Variants in SLC16A8 observed in about 807,000 individuals in gnomAD.
SLC16A8 encodes the protein solute carrier family 16 member 8.
A neutral mutation model predicts 22.4 loss-of-function variants in SLC16A8; 20 were observed. That is an observed-to-expected ratio of 0.89 (90% CI 0.63 to 1.30). SLC16A8 has a LOEUF of 1.30. SLC16A8 is among the 50% of genes most tolerant of loss of function. The pLI is 0.00. For missense variants in SLC16A8, 817 were observed against 740.3 expected (o/e 1.10, Z -1.20); for synonymous variants, 393 against 358.8 (o/e 1.10, Z -1.08).
Position 38,084,160 on chromosome 22 carries a change from C to T in SLC16A8, c.-501G>A, listed in dbSNP as rs1242226149. ...CCGACTCCCGCCTGACGCTCCCTGC[C>T]CCAGGCCTGGAGCTTAGAGTGTGTG... is the stretch of plus-strand genomic sequence containing the variant. On this transcript the variant is annotated 5_prime_UTR_variant, in exon 1 of 6. Transcript: ENST00000681075. The T allele has an allele frequency of 1.3e-5, 2 of 152,368 alleles. No homozygotes were observed. The highest frequency in any genetic ancestry group is 4.8e-5 in the African/African-American group (2 of 41,452). The allele number at this position is 152,368 out of a possible 1,614,324, so 9.4% of individuals were successfully genotyped here.
At position 38,082,805 on chromosome 22, in the gene SLC16A8, G is replaced by C. The variant is rs562785651; in HGVS notation, c.69C>G (p.Gly23=). 3 of 1,592,096 alleles carry C rather than the reference G, an allele frequency of 1.9e-6. No homozygotes were observed. In the African/African-American group the frequency reaches 4.0e-5, roughly 21 times the overall value. ...CGAAGCCGGTGACCACAAAGCAGGC[G>C]CCCAGCACCACCCAGCCCCAGCCGC... is the stretch of plus-strand genomic sequence containing the variant. ...PDGGWGWVVL[G]ACFVVTGFAY... The change falls in exon 3 of 6, where the codon GGC becomes GGG. Residue 23 remains glycine, a synonymous_variant. Transcript: ENST00000681075.
rs185628551 is a variant in SLC16A8 at position 38,080,751 on chromosome 22, C to T, written c.1198+89G>A. ...CACCCGACTGCCCCTTCCCCTCATC[C>T]CTGGAAGTTCCATCTGAGACAGGGG... On this transcript the variant is annotated intron_variant, in intron 5 of 5. Transcript: ENST00000681075. 614 of 1,422,886 alleles carry T rather than the reference C, an allele frequency of 4.3e-4. 1 individual carries two copies. The African/African-American group carries it at 7.9e-3, about 18-fold the overall frequency. The allele number at this position is 1,422,886 out of a possible 1,614,324, so 88.1% of individuals were successfully genotyped here.
In SLC16A8 at chr22:38,082,854, C is replaced by T. The variant is rs936491448; in HGVS notation, c.20G>A (p.Arg7Gln). Residue 7 changes from arginine to glutamine, a missense_variant, in exon 3 of 6, where the codon CGG (arginine) becomes CAG (glutamine). Arg to Gln is a conservative substitution (Grantham distance 43, BLOSUM62 1). Coordinates refer to ENST00000681075, the MANE Select transcript of SLC16A8 (RefSeq NM_013356.3). ...GCCGTCTGGGGGGCCCTCGCCCCGC[C>T]GGGGGCCGCCAGCGCCCATCGCTGC... MGAGGP[R>Q]RGEGPPDGGW... 2.6e-6 allele frequency: 4 copies of T among 1,551,404 alleles called. No individual in the cohort carries two copies. The highest frequency in any genetic ancestry group is 2.3e-5 in the East Asian group (1 of 42,892).
chr22:38,078,855 T>C (rs1167777507), intron 5 of SLC16A8, 151 bp from the exon 6 acceptor site: 1 of 654,138 alleles, frequency 1.5e-6, no homozygotes, highest in East Asian at 2.8e-5. Flanking sequence ...GTTTTACAGA[T>C]GTAAAACCTC....
rs1029513753 is a variant in SLC16A8 at position 38,078,426 on chromosome 22, T to C, written c.1477A>G (p.Ile493Val). 1.5e-5 allele frequency: 24 copies of C among 1,609,768 alleles called. No individual in the cohort carries two copies. The highest frequency in any genetic ancestry group is 2.0e-5 in the Non-Finnish European group (24 of 1,179,318). The change falls in exon 6 of 6, where the codon ATA becomes GTA. Residue 493 changes from isoleucine (I) to valine (V), a missense_variant. By Grantham distance (29) the Ile-to-Val change is conservative (BLOSUM62 3). Coordinates refer to ENST00000681075, the MANE Select transcript of SLC16A8 (RefSeq NM_013356.3). ...SARGEPTEPE[I>V]EARPRLAAES... ...GCAGCCAGCCTCGGCCTCGCCTCTA[T>C]TTCTGGTTCTGTGGGCTCGCCCCGG...
chr22:38,082,983 C>T (rs1353362026), intron 2 of SLC16A8, 59 bp downstream of exon 2: 1 of 751,738 alleles, frequency 1.3e-6, no homozygotes, highest in Non-Finnish European at 2.1e-6. Context: ...ACAGGGCTAC[C>T]CACGTGAGGG....
chr22:38,083,730 C>G (rs1233955931), intron 1 of SLC16A8, among the ~76,000 whole-genome samples: 1 of 124,000 alleles, frequency 8.1e-6, no homozygotes, highest in Non-Finnish European at 1.7e-5. Flanking sequence ...ACAAGCGCCC[C>G]CATAACAGAT....
In SLC16A8 at chr22:38,081,176, C is replaced by A; in HGVS notation, c.862G>T (p.Ala288Ser). The stretch of plus-strand genomic sequence containing the variant: ...CCCACGATGGACAGCAGGAAGGCGG[C>A]GTCGGTGTCGGGCACGCCCGCGTCC... Reference protein sequence around the residue: ...AKDAGVPDTDAAFLLSIVGFV... With the variant: ...AKDAGVPDTDSAFLLSIVGFV... Residue 288 changes from alanine (A) to serine (S), a missense_variant, in exon 5 of 6, where the codon GCC (alanine) becomes TCC (serine). Transcript: ENST00000681075. 8 of 1,553,450 alleles carry A rather than the reference C, an allele frequency of 5.1e-6. No individual in the cohort carries two copies. The highest frequency in any genetic ancestry group is 7.0e-6 in the Non-Finnish European group (8 of 1,148,506).
chr22:38,078,958 C>T (rs2076372), intron 5 of SLC16A8, among the ~76,000 whole-genome samples: 33,065 of 152,226 alleles, frequency 0.22, 4,131 homozygotes, highest in East Asian at 0.32. Flanking sequence ...GTGAGGCGTC[C>T]CCTCCACCCT....
chr22:38,081,226 G>A lies in SLC16A8; in HGVS notation c.812C>T (p.Ala271Val), dbSNP rs1393511666. Residue 271 changes from alanine (A) to valine (V), a missense_variant, in exon 5 of 6, where the codon GCC (alanine) becomes GTC (valine). By Grantham distance (64) the Ala-to-Val change is moderately conservative. Coordinates refer to ENST00000681075, the MANE Select transcript of SLC16A8 (RefSeq NM_013356.3). ...FLMALGLFVPAILLVNYAKDA... is the reference protein window; with the variant it reads ...FLMALGLFVPVILLVNYAKDA... ...CTTGGCGTAGTTCACCAGCAGGATGGCGGGGACGAAGAGCCCGAGCGCCAT... is the reference window on the plus strand; with the variant it reads ...CTTGGCGTAGTTCACCAGCAGGATGACGGGGACGAAGAGCCCGAGCGCCAT... 1 of 1,578,978 alleles carries A rather than the reference G, an allele frequency of 6.3e-7. No individual in the cohort carries two copies. The highest frequency in any genetic ancestry group is 2.3e-5 in the East Asian group (1 of 42,612).
At chr22:38,082,174 GACA>G in intron 3 of SLC16A8, 142 bp from the exon 4 acceptor site, 1 of 1,042,148 alleles carries the variant, frequency 9.6e-7, no homozygotes. Flanking sequence ...AGGCCAAAGA[GACA>G]GCATCCTGCG....
chr22:38,083,353 C>T lies in SLC16A8; in HGVS notation c.-320G>A, dbSNP rs1304878817. On this transcript the variant is annotated 5_prime_UTR_variant, in exon 2 of 6. Coordinates refer to ENST00000681075, the MANE Select transcript of SLC16A8 (RefSeq NM_013356.3). ...CATGTTCCTAATGTTTCTCAGTGAT[C>T]ACAAATGACTATTGTCATTAGAACA... The T allele has an allele frequency of 6.2e-6, 1 of 162,494 alleles. No individual in the cohort carries two copies. Among genetic ancestry groups the T allele is most frequent in the East Asian group, 1.8e-4 (1 of 5,584 alleles). The allele number at this position is 162,494 out of a possible 1,614,324, so 10.1% of individuals were successfully genotyped here.
At position 38,078,450 on chromosome 22, in the gene SLC16A8, G is replaced by A. The variant is rs200126325; in HGVS notation, c.1453C>T (p.Arg485Trp). 252 of 1,610,608 alleles carry A rather than the reference G, an allele frequency of 1.6e-4. No individual in the cohort carries two copies. The highest frequency in any genetic ancestry group is 9.8e-4 in the East Asian group (44 of 44,884). The change falls in exon 6 of 6, where the codon CGG becomes TGG. Residue 485 changes from arginine (R) to tryptophan (W), a missense_variant. Arg to Trp is a moderately radical substitution (Grantham distance 101). Coordinates refer to ENST00000681075, the MANE Select transcript of SLC16A8 (RefSeq NM_013356.3). ...NLEALEVLSA[R>W]GEPTEPEIEA... ...ATTTCTGGTTCTGTGGGCTCGCCCC[G>A]GGCGCTGAGCACCTCCAGGGCCTCC...
chr22:38,081,240 C>T lies in SLC16A8; in HGVS notation c.798G>A (p.Gly266=), dbSNP rs767096054. 3.8e-6 allele frequency: 6 copies of T among 1,583,388 alleles called. No homozygotes were observed. In the African/African-American group the frequency reaches 4.1e-5, roughly 11 times the overall value. Residue 266 remains glycine, a synonymous_variant, in exon 5 of 6, where the codon GGG becomes GGA. Coordinates refer to ENST00000681075, the MANE Select transcript of SLC16A8 (RefSeq NM_013356.3). ...CCAGCAGGATGGCGGGGACGAAGAG[C>T]CCGAGCGCCATCAGGAACTTGGTGA... ...YAVTKFLMAL[G]LFVPAILLVN...
chr22:38,080,670 A>G lies in SLC16A8; in HGVS notation c.1198+170T>C, dbSNP rs552352790. Among the ~76,000 whole-genome samples the G allele has an allele frequency of 1.2e-4, 19 of 152,356 alleles. No individual in the cohort carries two copies. In the East Asian group the frequency reaches 3.3e-3, roughly 26 times the overall value. ...TTCCTGGGCTTTTCTGTCCTCACCC[A>G]GAGCGGGCGGTCCGGCTTGGAGGAG... On this transcript the variant is annotated intron_variant, in intron 5 of 5. Coordinates refer to ENST00000681075, the MANE Select transcript of SLC16A8 (RefSeq NM_013356.3).
chr22:38,082,401 C>T (rs1000531063), intron 3 of SLC16A8, among the ~76,000 whole-genome samples: 2 of 152,242 alleles, frequency 1.3e-5, no homozygotes, highest in African/African-American at 2.4e-5. Flanking sequence ...TCTCAGCTTT[C>T]CTGCCTCTAC....
rs2085948419 is a variant in SLC16A8, at chr22:38,083,254, CAG to C, written c.-223_-222del. The C allele has an allele frequency of 4.1e-6, 1 of 245,972 alleles. No homozygotes were observed. The highest frequency in any genetic ancestry group is 7.9e-6 in the Non-Finnish European group (1 of 127,206). The allele number at this position is 245,972 out of a possible 1,614,324, so 15.2% of individuals were successfully genotyped here. A position where few individuals can be genotyped will look rare whatever the true frequency, so the allele number is the denominator to read the frequency against. The stretch of plus-strand genomic sequence containing the variant: ...CGTACGCGTGAGGGTCTCGGGACAA[CAG>C]AACAAACAGCAGAGGGGCAGATGCC... On this transcript the variant is annotated 5_prime_UTR_variant, in exon 2 of 6. Coordinates refer to ENST00000681075, the MANE Select transcript of SLC16A8 (RefSeq NM_013356.3).
In SLC16A8 at chr22:38,080,836, G is replaced by A. The variant is rs767342379; in HGVS notation, c.1198+4C>T. 12 of 1,486,812 alleles carry A rather than the reference G, an allele frequency of 8.1e-6. No homozygotes were observed. The South Asian group carries it at 1.4e-4, about 18-fold the overall frequency. 92.1% of individuals were successfully genotyped at this position (1,486,812 alleles called of 1,614,324 possible). A position where few individuals can be genotyped will look rare whatever the true frequency, so the allele number is the denominator to read the frequency against. On this transcript the variant is annotated splice_donor_region_variant and intron_variant, in intron 5 of 5. Coordinates refer to ENST00000681075, the MANE Select transcript of SLC16A8 (RefSeq NM_013356.3). ...TCGCCACCCCCTCTTCCTTCGGGGC[G>A]CACCGGCAGAGGGCGGTCCGATGAG...
rs756203089 is a variant in SLC16A8, at chr22:38,082,650, G to A, written c.214+10C>T. 1 of 1,546,232 alleles carries A rather than the reference G, an allele frequency of 6.5e-7. No individual in the cohort carries two copies. The stretch of plus-strand genomic sequence containing the variant: ...CCCGGGGAGGCGGAGGGCCGGGCGG[G>A]GACACTGACCCGTGCCGTAGAGCAT... On this transcript the variant is annotated intron_variant, in intron 3 of 5. Transcript: ENST00000681075.
Sources: allele counts gnomAD v4.1 joint callset (sites outside exome capture counted in the v4.1 genomes callset), GRCh38; gene constraint gnomAD v4.1.1; transcripts MANE v1.5; gene names NCBI Gene and HGNC (gene_info 2026-07-23, HGNC 2026-07-21).